Variants in VSX2 observed in about 807,000 individuals in gnomAD.
VSX2 encodes visual system homeobox 2, also known as ceh-10 homeo domain containing homolog.
A neutral mutation model predicts 32.1 loss-of-function variants in VSX2; 28 were observed. The observed-to-expected ratio is 0.87, with a 90% CI of 0.65 to 1.20. The LOEUF (loss-of-function observed/expected upper bound fraction) is 1.20. VSX2 is among the 50% of genes most tolerant of loss of function. The probability of loss-of-function intolerance (pLI) is 0.00; values close to 1 mark genes in which losing one functional copy is unlikely to be tolerated. For missense variants in VSX2, 506 were observed against 488.7 expected, an observed-to-expected ratio of 1.04 and a Z score of -0.33; for synonymous variants, 243 against 214.1, an observed-to-expected ratio of 1.14 and a Z score of -1.18.
chr14:74,253,152 G>C (rs2079240914), intron 3 of VSX2, among the ~76,000 whole-genome samples: 1 of 152,232 alleles, frequency 6.6e-6, no homozygotes, highest in Admixed American at 6.5e-5. Context: ...GGTGGCCCTG[G>C]GTGTCACTTT....
At position 74,260,765 on chromosome 14, in the gene VSX2, C is replaced by A; in HGVS notation, c.932C>A (p.Ala311Asp). 1 of 1,586,452 alleles carries A rather than the reference C, an allele frequency of 6.3e-7. No homozygotes were observed. The highest frequency in any genetic ancestry group is 1.3e-5 in the African/African-American group (1 of 74,644). The stretch of plus-strand genomic sequence containing the variant: ...GAGAACAGCATTGCGGTGCTCCGGG[C>A]CAAAGCTCAGGAGCACAGCACCAAA... ...LRENSIAVLR[A>D]KAQEHSTKVL... The change falls in exon 5 of 5, where the codon GCC becomes GAC. Residue 311 changes from alanine to aspartate, a missense_variant. Physicochemically the swap from Ala to Asp is moderately radical, Grantham distance 126 (BLOSUM62 -2). Transcript: ENST00000261980.
chr14:74,244,859 T>C (rs1236751948), intron 2 of VSX2, among the ~76,000 whole-genome samples: 1 of 146,500 alleles, frequency 6.8e-6, no homozygotes, highest in Admixed American at 6.9e-5. Flanking sequence ...AGGGTTAAAC[T>C]ATGAGACAGA....
At position 74,260,813 on chromosome 14, in the gene VSX2, CG is replaced by C. The variant is rs1330773254; in HGVS notation, c.982del (p.Asp328ThrfsTer101). 6.4e-6 allele frequency: 10 copies of C among 1,569,598 alleles called. No homozygotes were observed. Reference sequence around the variant, plus strand: ...AAAGTGCTGGGGACTGTGTCTGGGCCGGACAGCCTGGCCCGGAGTACCGAGA... The same window carrying C: ...AAAGTGCTGGGGACTGTGTCTGGGCCGACAGCCTGGCCCGGAGTACCGAGA... The part of the protein sequence containing the change: ...STKVLGTVSG[P>X]DSLARSTEKP... On this transcript the variant is annotated frameshift_variant, in exon 5 of 5. Coordinates refer to ENST00000261980, the MANE Select transcript of VSX2 (RefSeq NM_182894.3). LOFTEE classifies it high-confidence loss of function.
intron 3 of VSX2, among the ~76,000 whole-genome samples, chr14:74,258,982 G>T (rs2079285641): frequency 6.6e-6 from 1 of 152,208 alleles, no homozygotes; most frequent in Non-Finnish European, 1.5e-5. Context: ...GGCACATGTG[G>T]TTTGGCAGAG....
Position 74,245,767 on chromosome 14 carries a change from C to A in VSX2, c.579+479C>A, listed in dbSNP as rs150141670. Among the ~76,000 whole-genome samples the A allele has an allele frequency of 2.9e-3, 437 of 152,266 alleles. 2 individuals carry two copies. The highest frequency in any genetic ancestry group is 9.5e-3 in the African/African-American group (395 of 41,540). Reference sequence around the variant, plus strand: ...CCTCCCCATGATGAAAGTGTTACCCCTTCTCTTCCTGCTTCCCACCACTCC... The same window carrying A: ...CCTCCCCATGATGAAAGTGTTACCCATTCTCTTCCTGCTTCCCACCACTCC... On this transcript the variant is annotated intron_variant, in intron 3 of 4. Transcript: ENST00000261980.
Position 74,260,653 on chromosome 14 carries a change from C to T in VSX2, c.820C>T (p.Arg274Cys), listed in dbSNP as rs375155660. ...AESGRKPEGE[R>C]QALPKLDKME... is the part of the protein sequence containing the mutation. ...GTCGGGGAGGAAGCCCGAGGGGGAA[C>T]GCCAGGCCCTGCCCAAGCTCGACAA... The change falls in exon 5 of 5, where the codon CGC (arginine) becomes TGC (cysteine). Residue 274 changes from arginine (R) to cysteine (C), a missense_variant. By Grantham distance (180) the Arg-to-Cys change is radical (BLOSUM62 -3). Transcript: ENST00000261980. 44 of 1,604,434 alleles carry T rather than the reference C, an allele frequency of 2.7e-5. No individual in the cohort carries two copies. In the Middle Eastern group the frequency reaches 4.9e-4, roughly 18 times the overall value.
chr14:74,241,816 C>T (rs1304715041), intron 2 of VSX2, among the ~76,000 whole-genome samples: 11 of 152,198 alleles, frequency 7.2e-5, no homozygotes. Flanking sequence ...CTGACCGAGT[C>T]GCTTCCCTTC....
At chr14:74,256,328 G>A (rs924463986) in intron 3 of VSX2, among the ~76,000 whole-genome samples, 2 of 152,178 alleles carry the variant, frequency 1.3e-5, no homozygotes, top group African/African-American at 4.8e-5. Context: ...CTACGCTGGA[G>A]GCTGAGACAG....
Position 74,239,609 on chromosome 14 carries a change from A to G in VSX2, c.48A>G (p.Thr16=). ...GEALSKPKSE[T]VAKSTSGGAP... ...CGCTGAGCAAGCCCAAATCCGAGAC[A>G]GTGGCCAAGAGTACCTCGGGGGGCG... is the stretch of plus-strand genomic sequence containing the variant. Residue 16 remains threonine (T), a synonymous_variant, in exon 1 of 5, where the codon ACA becomes ACG. Coordinates refer to ENST00000261980, the MANE Select transcript of VSX2 (RefSeq NM_182894.3). 1 of 1,551,304 alleles carries G rather than the reference A, an allele frequency of 6.4e-7. No homozygotes were observed. The highest frequency in any genetic ancestry group is 8.7e-7 in the Non-Finnish European group (1 of 1,146,978).
intron 2 of VSX2, among the ~76,000 whole-genome samples, chr14:74,241,910 G>T (rs577055435): frequency 6.6e-6 from 1 of 152,350 alleles, no homozygotes; most frequent in East Asian, 1.9e-4. Flanking sequence ...CTGGAGTAGG[G>T]TGGACTGCAT....
intron 3 of VSX2, among the ~76,000 whole-genome samples, chr14:74,249,205 T>C (rs1051258678): frequency 6.6e-6 from 1 of 152,248 alleles, no homozygotes; most frequent in Non-Finnish European, 1.5e-5. Context: ...GTGTTGTTAC[T>C]GGCATTTATT....
intron 3 of VSX2, among the ~76,000 whole-genome samples, chr14:74,248,350 AAC>A (rs1491177197): frequency 0.012 from 1,622 of 139,772 alleles, 37 homozygotes; most frequent in African/African-American, 0.022. Flanking sequence ...AAAAAAAAAA[AAC>A]AAAAAAAACC....
At chr14:74,246,035 A>G (rs902174219) in intron 3 of VSX2, among the ~76,000 whole-genome samples, 2 of 152,156 alleles carry the variant, frequency 1.3e-5, no homozygotes, top group African/African-American at 2.4e-5. Context: ...AGAGTCCCCT[A>G]CTTGGGCAGG....
At chr14:74,241,125 C>G in intron 1 of VSX2, 57 bp from the exon 2 acceptor site, 1 of 1,577,482 alleles carries the variant, frequency 6.3e-7, no homozygotes, top group Non-Finnish European at 8.7e-7. Flanking sequence ...TCGCGGGTTT[C>G]GGGCACAGCG....
intron 3 of VSX2, among the ~76,000 whole-genome samples, chr14:74,259,009 T>C (rs772686738): frequency 1.1e-4 from 16 of 152,072 alleles, no homozygotes; most frequent in Non-Finnish European, 2.2e-4. Context: ...TGGGACAGGG[T>C]GGAGGAGGCA....
In VSX2 at chr14:74,239,657, C is replaced by G; in HGVS notation, c.96C>G (p.Phe32Leu). 6.4e-7 allele frequency: 1 copy of G among 1,550,788 alleles called. No homozygotes were observed. The highest frequency in any genetic ancestry group is 8.7e-7 in the Non-Finnish European group (1 of 1,146,940). Residue 32 changes from phenylalanine (F) to leucine (L), a missense_variant, in exon 1 of 5, where the codon TTC becomes TTG. Physicochemically the swap from Phe to Leu is conservative, Grantham distance 22 (BLOSUM62 0). Transcript: ENST00000261980. ...GCGCCCCGGCCAGGTGCACTGGGTT[C>G]GGCATCCAGGAGATCCTGGGCTTGA... ...SGGAPARCTG[F>L]GIQEILGLNK...
At chr14:74,245,326 T>C in intron 3 of VSX2, 38 bp downstream of exon 3, 5 of 1,610,700 alleles carry the variant, frequency 3.1e-6, no homozygotes, top group Non-Finnish European at 4.2e-6. Flanking sequence ...CACTCTCCCC[T>C]CTCTCGGTGA....
At chr14:74,244,775 G>A (rs1285337646) in intron 2 of VSX2, among the ~76,000 whole-genome samples, 1 of 151,734 alleles carries the variant, frequency 6.6e-6, no homozygotes, top group Non-Finnish European at 1.5e-5. Flanking sequence ...TGTCACTGAG[G>A]GCTGAAATAA....
At chr14:74,252,952 G>A (rs1383117130) in intron 3 of VSX2, among the ~76,000 whole-genome samples, 1 of 151,486 alleles carries the variant, frequency 6.6e-6, no homozygotes, top group African/African-American at 2.4e-5. Context: ...AGGAGGCTGA[G>A]GCAGGAGAAT....
Sources: gnomAD v4.1 joint callset for allele counts (sites outside exome capture counted in the v4.1 genomes callset) on GRCh38, gnomAD v4.1.1 for gene constraint, MANE v1.5 for transcripts, NCBI Gene and HGNC (gene_info 2026-07-23, HGNC 2026-07-21) for gene names.